Variants in KSR1 observed in about 807,000 individuals in gnomAD.
The protein encoded by KSR1 is kinase suppressor of ras 1.
A neutral mutation model predicts 92.9 loss-of-function variants in KSR1; 35 were observed. The ratio of observed to expected loss-of-function variants is 0.38; its 90% CI spans 0.29 to 0.50. The LOEUF is 0.50. Ranked by LOEUF, KSR1 falls within the 20% of genes least tolerant of loss-of-function variation. The pLI, the probability that KSR1 is intolerant of heterozygous loss-of-function variation, is 0.94. For synonymous variants in KSR1, 467 were observed against 472.6 expected, an observed-to-expected ratio of 0.99 and a Z score of 0.15; for missense variants, 972 against 1,158.5, an observed-to-expected ratio of 0.84 and a Z score of 2.34.
intron 1 of KSR1, among the ~76,000 whole-genome samples, chr17:27,460,175 C>T (rs546962201): frequency 6.6e-6 from 1 of 152,252 alleles, no homozygotes; most frequent in African/African-American, 2.4e-5. Flanking sequence ...TTCTTATGCC[C>T]CAGTGTACTC....
chr17:27,526,765 G>T, intron 1 of KSR1: 4 of 1,171,968 alleles, frequency 3.4e-6, no homozygotes, highest in Middle Eastern at 2.0e-4. Context: ...TCTCATCATC[G>T]CACAGTTCTC....
rs1341122732 is a variant in KSR1, at chr17:27,621,282, C to T, written c.2708+9C>T. On this transcript the variant is annotated intron_variant, in intron 20 of 20. Coordinates refer to ENST00000644974, the MANE Select transcript of KSR1 (RefSeq NM_001394583.1). ...CCGATTCTGGAGGAATAGTGTGTTC[C>T]TGTTACTTCCTTCGCTGGCTGCCTG... is the stretch of plus-strand genomic sequence containing the variant. 1.3e-5 allele frequency: 5 copies of T among 398,624 alleles called. No homozygotes were observed. Among genetic ancestry groups the T allele is most frequent in the African/African-American group, 1.0e-4 (5 of 48,656 alleles). 24.7% of individuals were successfully genotyped at this position (398,624 alleles called of 1,614,324 possible).
chr17:27,572,815 G>T (rs1215359443), intron 2 of KSR1, among the ~76,000 whole-genome samples: 1 of 152,226 alleles, frequency 6.6e-6, no homozygotes, highest in Non-Finnish European at 1.5e-5. Flanking sequence ...GGTTTCGGGG[G>T]TGCTGAGTTG....
chr17:27,537,183 G>T (rs181679625), intron 1 of KSR1, among the ~76,000 whole-genome samples: 3 of 152,344 alleles, frequency 2.0e-5, no homozygotes, highest in Non-Finnish European at 4.4e-5. Flanking sequence ...GCAGCTGGGG[G>T]TTGTATTCCC....
intron 1 of KSR1, among the ~76,000 whole-genome samples, chr17:27,475,072 A>G (rs2068299918): frequency 1.3e-5 from 2 of 152,184 alleles, no homozygotes; most frequent in African/African-American, 4.8e-5. Context: ...AAAGACCTCA[A>G]AAGGGTAGAG....
At chr17:27,619,124 G>C (rs1299245699) in intron 19 of KSR1, among the ~76,000 whole-genome samples, 1 of 152,112 alleles carries the variant, frequency 6.6e-6, no homozygotes, top group Non-Finnish European at 1.5e-5. Context: ...GCCACCCGCT[G>C]CCAAGAAAGC....
intron 1 of KSR1, among the ~76,000 whole-genome samples, chr17:27,511,275 G>A (rs1022183212): frequency 6.6e-5 from 10 of 152,218 alleles, no homozygotes; most frequent in Admixed American, 6.5e-4. Context: ...GGACTGTCAT[G>A]ACATCTCAGA....
intron 1 of KSR1, among the ~76,000 whole-genome samples, chr17:27,520,747 C>T (rs1399640290): frequency 2.6e-5 from 4 of 152,226 alleles, no homozygotes; most frequent in Non-Finnish European, 5.9e-5. Flanking sequence ...CCAACTCTCA[C>T]TGGCCTCCTT....
intron 1 of KSR1, among the ~76,000 whole-genome samples, chr17:27,457,468 GT>G (rs1567731509): frequency 6.6e-6 from 1 of 152,224 alleles, no homozygotes; most frequent in African/African-American, 2.4e-5. Flanking sequence ...TGCTTAAAAT[GT>G]ATTAATAATT....
intron 6 of KSR1, 142 bp from the exon 7 acceptor site, chr17:27,590,669 C>G: frequency 4.4e-6 from 3 of 676,664 alleles, no homozygotes; most frequent in Non-Finnish European, 2.6e-6. Context: ...GTGGGTATCT[C>G]TGTCCTCTCT....
At chr17:27,469,194 G>A (rs1469021442) in intron 1 of KSR1, among the ~76,000 whole-genome samples, 1 of 152,050 alleles carries the variant, frequency 6.6e-6, no homozygotes, top group Non-Finnish European at 1.5e-5. Flanking sequence ...CTCTTCTCTC[G>A]AGGCTCTGCA....
chr17:27,470,941 G>C (rs1008547828), intron 1 of KSR1, among the ~76,000 whole-genome samples: 1 of 151,812 alleles, frequency 6.6e-6, no homozygotes, highest in Non-Finnish European at 1.5e-5. Flanking sequence ...CACAATCTTG[G>C]GTCACTGCAA....
intron 1 of KSR1, among the ~76,000 whole-genome samples, chr17:27,478,426 T>G (rs1024667320): frequency 6.6e-6 from 1 of 152,166 alleles, no homozygotes; most frequent in Non-Finnish European, 1.5e-5. Flanking sequence ...ACCTACTGTT[T>G]GGGGCTGTTA....
chr17:27,621,325 A>G, intron 20 of KSR1, 52 bp downstream of exon 20: 1 of 398,564 alleles, frequency 2.5e-6, no homozygotes. Flanking sequence ...TTTTCCTGAC[A>G]CAAGCCCTGC....
At chr17:27,468,133 A>G (rs1261818963) in intron 1 of KSR1, among the ~76,000 whole-genome samples, 1 of 149,794 alleles carries the variant, frequency 6.7e-6, no homozygotes, top group African/African-American at 2.5e-5. Context: ...TTTTTTTTTA[A>G]CTTTATCATG....
chr17:27,502,503 C>T (rs2069227045), intron 1 of KSR1, among the ~76,000 whole-genome samples: 1 of 152,224 alleles, frequency 6.6e-6, no homozygotes, highest in Non-Finnish European at 1.5e-5. Context: ...TTAAAATCGA[C>T]TCCATCCTCT....
chr17:27,590,764 T>C, intron 6 of KSR1, 47 bp from the exon 7 acceptor site: 1 of 1,555,452 alleles, frequency 6.4e-7, no homozygotes, highest in Non-Finnish European at 8.8e-7. Flanking sequence ...GGCTGGGCCT[T>C]GGCCTCCCAG....
intron 1 of KSR1, among the ~76,000 whole-genome samples, chr17:27,466,764 T>C (rs1329216562): frequency 6.6e-6 from 1 of 151,624 alleles, no homozygotes; most frequent in Non-Finnish European, 1.5e-5. Flanking sequence ...AAGGAGGAGC[T>C]CTTTCTGGCC....
intron 1 of KSR1, among the ~76,000 whole-genome samples, chr17:27,491,304 G>GGTGTGT (rs60738939): frequency 1.8e-5 from 2 of 110,116 alleles, no homozygotes; most frequent in African/African-American, 7.6e-5. Flanking sequence ...TTTTGTTAGT[G>GGTGTGT]GTGTGTGTGT....
Sources: gnomAD v4.1 joint callset for allele counts (sites outside exome capture counted in the v4.1 genomes callset) on GRCh38, gnomAD v4.1.1 for gene constraint, MANE v1.5 for transcripts, NCBI Gene and HGNC (gene_info 2026-07-23, HGNC 2026-07-21) for gene names.